The following ARHGEF37 variants were observed in gnomAD, a reference collection of about 807,000 sequenced individuals.
ARHGEF37 encodes the protein Rho guanine nucleotide exchange factor (GEF) 37.
ARHGEF37 carries 55 observed loss-of-function variants against 71.1 expected under a neutral mutation model. That is an observed-to-expected ratio of 0.77 (90% CI 0.62 to 0.97). The LOEUF is 0.97. Among genes scored for constraint, ARHGEF37 ranks in the 50% least tolerant of loss-of-function variants. ARHGEF37 has a pLI of 0.00. For synonymous variants in ARHGEF37, 327 were observed against 350.6 expected (o/e 0.93, Z 0.75); for missense variants, 765 against 836.8 (o/e 0.91, Z 1.06).
Position 149,632,225 on chromosome 5 carries a change from T to C in ARHGEF37, c.*34T>C, listed in dbSNP as rs750074514. On this transcript the variant is annotated 3_prime_UTR_variant, in exon 13 of 13. Transcript: ENST00000333677. ...CTTTGGAGCCTACATTGCCAAATGA[T>C]GGGGGAGGCTTAGAGGCTCTGACCC... 21 of 1,605,962 alleles carry C rather than the reference T, an allele frequency of 1.3e-5. No individual in the cohort carries two copies. In the East Asian group the frequency reaches 2.9e-4, roughly 22 times the overall value.
intron 1 of ARHGEF37, among the ~76,000 whole-genome samples, chr5:149,558,212 A>T (rs1347233682): frequency 6.6e-6 from 1 of 151,998 alleles, no homozygotes; most frequent in Non-Finnish European, 1.5e-5. Context: ...TCTTAGAAAT[A>T]GAGACAGGGA....
chr5:149,580,292 C>A (rs1763082083), upstream of ARHGEF37, among the ~76,000 whole-genome samples: 1 of 151,504 alleles, frequency 6.6e-6, no homozygotes, highest in Non-Finnish European at 1.5e-5. Context: ...ATCTCTTGAC[C>A]TCGTGATCTG....
At position 149,634,067 on chromosome 5, in the gene ARHGEF37, T is replaced by C. The variant is rs1752964546; in HGVS notation, c.*1876T>C. 6.6e-6 allele frequency: 1 copy of C among 152,196 alleles called. No individual in the cohort carries two copies. The highest frequency in any genetic ancestry group is 2.1e-4 in the South Asian group (1 of 4,836). 9.4% of individuals were successfully genotyped at this position (152,196 alleles called of 1,614,324 possible). ...AGAATTGTAGCTCAGGAGTTCTCAG[T>C]GTAGCTGCTCACTGAAGTTACCATG... On this transcript the variant is annotated 3_prime_UTR_variant, in exon 13 of 13. Coordinates refer to ENST00000333677, the MANE Select transcript of ARHGEF37 (RefSeq NM_001001669.3).
chr5:149,632,118 G>C lies in ARHGEF37; in HGVS notation c.1955G>C (p.Arg652Thr), dbSNP rs748166544. ...AGCCTGGTGGAAGTGAATGGACAGA[G>C]GGGTTATGTGCCTTCTGGCTTCTTG... is the stretch of plus-strand genomic sequence containing the variant. ...EWSLVEVNGQ[R>T]GYVPSGFLAR... Residue 652 changes from arginine to threonine, a missense_variant, in exon 13 of 13, where the codon AGG (arginine) becomes ACG (threonine). Transcript: ENST00000333677. 1.2e-5 allele frequency: 20 copies of C among 1,614,166 alleles called. No homozygotes were observed. In the South Asian group the frequency reaches 2.1e-4, roughly 17 times the overall value.
At chr5:149,625,819 A>T (rs929694198) in intron 10 of ARHGEF37, among the ~76,000 whole-genome samples, 1 of 150,634 alleles carries the variant, frequency 6.6e-6, no homozygotes, top group Non-Finnish European at 1.5e-5. Flanking sequence ...CTGAGGGTAT[A>T]GAACCCAGCA....
At chr5:149,630,812 C>T (rs1442047990) in intron 12 of ARHGEF37, among the ~76,000 whole-genome samples, 1 of 152,194 alleles carries the variant, frequency 6.6e-6, no homozygotes, top group Non-Finnish European at 1.5e-5. Flanking sequence ...CAGGACTTGC[C>T]CGGGATCATC....
At chr5:149,562,511 C>T (rs1762846057) in intron 1 of ARHGEF37, among the ~76,000 whole-genome samples, 3 of 152,224 alleles carry the variant, frequency 2.0e-5, no homozygotes, top group South Asian at 2.1e-4. Context: ...TGCAGTGGCG[C>T]GATCTCGGCT....
intron 1 of ARHGEF37, among the ~76,000 whole-genome samples, chr5:149,590,063 ACC>A (rs1763357642): frequency 6.6e-6 from 1 of 152,184 alleles, no homozygotes; most frequent in South Asian, 2.1e-4. Flanking sequence ...CTAATTGTAG[ACC>A]CACTTTTTCC....
chr5:149,571,997 A>C (rs1429859789), intron 1 of ARHGEF37, among the ~76,000 whole-genome samples: 1 of 152,002 alleles, frequency 6.6e-6, no homozygotes, highest in East Asian at 1.9e-4. Flanking sequence ...ACAACCCTGG[A>C]AAATAAGAAC....
intron 12 of ARHGEF37, among the ~76,000 whole-genome samples, chr5:149,630,323 A>G (rs1219821005): frequency 2.0e-5 from 3 of 152,180 alleles, no homozygotes; most frequent in Admixed American, 1.3e-4. Flanking sequence ...GGCTGCATGT[A>G]TTGTGAACCT....
At chr5:149,617,826 C>T (rs993825881) in intron 5 of ARHGEF37, among the ~76,000 whole-genome samples, 3 of 152,184 alleles carry the variant, frequency 2.0e-5, no homozygotes, top group South Asian at 2.1e-4. Context: ...TGAGGGACCC[C>T]AGGCAAATCT....
At chr5:149,600,369 C>A (rs954810983) in intron 2 of ARHGEF37, among the ~76,000 whole-genome samples, 2 of 152,208 alleles carry the variant, frequency 1.3e-5, no homozygotes, top group Admixed American at 1.3e-4. Flanking sequence ...GCACATCCTT[C>A]CATGCTTGTG....
chr5:149,551,717 T>C (rs1762670286), upstream of ARHGEF37, among the ~76,000 whole-genome samples: 1 of 152,226 alleles, frequency 6.6e-6, no homozygotes, highest in African/African-American at 2.4e-5. Flanking sequence ...CCGGCCTTGA[T>C]ATTGGGAGGA....
intron 5 of ARHGEF37, 129 bp from the exon 6 acceptor site, chr5:149,618,047 C>A: frequency 7.6e-7 from 1 of 1,318,096 alleles, no homozygotes; most frequent in Non-Finnish European, 1.1e-6. Context: ...CTGTGTGACT[C>A]ACTAACCTCA....
At position 149,616,570 on chromosome 5, in the gene ARHGEF37, G is replaced by T. The variant is rs577680335; in HGVS notation, c.462G>T (p.Pro154=). ...HIQGIVEAVV[P]QAGSSGLSFL... is the part of the protein sequence containing the mutation. Reference sequence around the variant, plus strand: ...TAATACCAGCCTTCTCCCTCAGGCCGCAAGCTGGATCTTCAGGCCTCAGTT... The same window carrying T: ...TAATACCAGCCTTCTCCCTCAGGCCTCAAGCTGGATCTTCAGGCCTCAGTT... The change falls in exon 5 of 13, where the codon CCG becomes CCT. Residue 154 remains proline, a synonymous_variant. Transcript: ENST00000333677. 4.4e-6 allele frequency: 7 copies of T among 1,605,310 alleles called. No individual in the cohort carries two copies. Among genetic ancestry groups the T allele is most frequent in the Non-Finnish European group, 6.0e-6 (7 of 1,175,026 alleles).
intron 1 of ARHGEF37, among the ~76,000 whole-genome samples, chr5:149,589,430 C>T (rs890814962): frequency 2.0e-5 from 3 of 151,968 alleles, no homozygotes; most frequent in Non-Finnish European, 2.9e-5. Flanking sequence ...AGAGTTCAAG[C>T]GATCTTCCCA....
intron 1 of ARHGEF37, among the ~76,000 whole-genome samples, chr5:149,569,055 T>C (rs1762932170): frequency 6.6e-6 from 1 of 152,138 alleles, no homozygotes; most frequent in Non-Finnish European, 1.5e-5. Flanking sequence ...GATACATTCA[T>C]GTTGTTGTAT....
intron 2 of ARHGEF37, 87 bp from the exon 3 acceptor site, chr5:149,601,021 G>A (rs1763739142): frequency 7.0e-7 from 1 of 1,432,550 alleles, no homozygotes; most frequent in Non-Finnish European, 9.6e-7. Context: ...TGGGAATGGT[G>A]TGAGTGTTCT....
At chr5:149,595,026 T>C (rs1015494266) in intron 1 of ARHGEF37, among the ~76,000 whole-genome samples, 1 of 152,214 alleles carries the variant, frequency 6.6e-6, no homozygotes, top group Non-Finnish European at 1.5e-5. Context: ...GACACAATTA[T>C]AGAAATGGAG....
Sources: gnomAD v4.1 joint callset for allele counts (sites outside exome capture counted in the v4.1 genomes callset) on GRCh38, gnomAD v4.1.1 for gene constraint, MANE v1.5 for transcripts, NCBI Gene and HGNC (gene_info 2026-07-23, HGNC 2026-07-21) for gene names.